The following PTPRD variants were observed in gnomAD, a reference collection of about 807,000 sequenced individuals.
The protein encoded by PTPRD is receptor-type tyrosine-protein phosphatase delta.
In PTPRD, 34 loss-of-function variants were observed where a neutral mutation model predicts 214.5. That is an observed-to-expected ratio of 0.16 (90% CI 0.12 to 0.21). The LOEUF (loss-of-function observed/expected upper bound fraction) is 0.21, where lower values mean the gene tolerates loss of function less well. Ranked by LOEUF, PTPRD falls within the 10% of genes least tolerant of loss-of-function variation. The probability of loss-of-function intolerance (pLI) is 1.00; values close to 1 mark genes in which losing one functional copy is unlikely to be tolerated. For synonymous variants in PTPRD, 1,128 were observed against 845.7 expected, an observed-to-expected ratio of 1.33 and a Z score of -5.79; for missense variants, 2,545 against 2,398.7, an observed-to-expected ratio of 1.06 and a Z score of -1.27.
intron 3 of PTPRD, among the ~76,000 whole-genome samples, chr9:10,074,103 A>T (rs2098087266): frequency 6.6e-6 from 1 of 152,124 alleles, no homozygotes; most frequent in Admixed American, 6.6e-5. Context: ...GGTATTTCAG[A>T]TACCCACCAC....
intron 9 of PTPRD, among the ~76,000 whole-genome samples, chr9:9,232,475 A>C (rs2099963697): frequency 6.6e-6 from 1 of 152,208 alleles, no homozygotes; most frequent in Non-Finnish European, 1.5e-5. Flanking sequence ...AATGAAGCTT[A>C]CAAGTACACG....
At chr9:9,254,186 C>A (rs1221660418) in intron 9 of PTPRD, among the ~76,000 whole-genome samples, 4 of 152,024 alleles carry the variant, frequency 2.6e-5, no homozygotes, top group African/African-American at 9.7e-5. Context: ...AGGATGTGAG[C>A]ACATCTTATG....
At chr9:10,566,313 A>G (rs1000189847) in intron 2 of PTPRD, among the ~76,000 whole-genome samples, 6 of 152,066 alleles carry the variant, frequency 3.9e-5, no homozygotes, top group Non-Finnish European at 7.4e-5. Context: ...TAGGGTGTGT[A>G]TATTGTCAGC....
chr9:9,777,593 G>A (rs2154486927), intron 5 of PTPRD, among the ~76,000 whole-genome samples: 1 of 152,210 alleles, frequency 6.6e-6, no homozygotes, highest in African/African-American at 2.4e-5. Context: ...AGCTACTCAA[G>A]AGCCGGAGGT....
At chr9:8,646,908 G>C (rs1288642837) in intron 12 of PTPRD, among the ~76,000 whole-genome samples, 1 of 151,808 alleles carries the variant, frequency 6.6e-6, no homozygotes, top group East Asian at 1.9e-4. Context: ...ACACTTTTGA[G>C]TATTTAGGAC....
chr9:9,623,667 C>T (rs932059584), intron 7 of PTPRD, among the ~76,000 whole-genome samples: 1 of 152,196 alleles, frequency 6.6e-6, no homozygotes, highest in African/African-American at 2.4e-5. Flanking sequence ...CAATGGCCAG[C>T]CTGCTGCCAT....
At chr9:10,326,104 A>T in intron 3 of PTPRD, among the ~76,000 whole-genome samples, 1 of 151,892 alleles carries the variant, frequency 6.6e-6, no homozygotes, top group South Asian at 2.1e-4. Flanking sequence ...CACTTCTGCT[A>T]AGCTAAAAAC....
At chr9:9,982,737 A>G (rs2095586799) in intron 4 of PTPRD, among the ~76,000 whole-genome samples, 1 of 152,048 alleles carries the variant, frequency 6.6e-6, no homozygotes, top group Non-Finnish European at 1.5e-5. Context: ...TCAGAGCAAA[A>G]GGTCCTAAAA....
At chr9:9,420,050 C>G (rs979171595) in intron 8 of PTPRD, among the ~76,000 whole-genome samples, 63 of 151,486 alleles carry the variant, frequency 4.2e-4, no homozygotes, top group African/African-American at 1.5e-3. Flanking sequence ...TTTTAAAATT[C>G]TGTAACCAAG....
intron 4 of PTPRD, among the ~76,000 whole-genome samples, chr9:9,955,334 T>C (rs2093811908): frequency 6.6e-6 from 1 of 152,162 alleles, no homozygotes; most frequent in African/African-American, 2.4e-5. Context: ...AAAGGATATG[T>C]ACGTATTTAA....
intron 7 of PTPRD, among the ~76,000 whole-genome samples, chr9:9,733,387 T>C (rs2098234322): frequency 6.6e-6 from 1 of 152,162 alleles, no homozygotes. Flanking sequence ...AGTTTTCTGT[T>C]TGTGTGCAAT....
At chr9:10,264,513 C>T (rs1337562741) in intron 3 of PTPRD, among the ~76,000 whole-genome samples, 1 of 152,234 alleles carries the variant, frequency 6.6e-6, no homozygotes, top group Non-Finnish European at 1.5e-5. Flanking sequence ...TGCATGGGGC[C>T]TTTAGTCCCT....
At chr9:9,392,170 C>G (rs1346459820) in intron 9 of PTPRD, among the ~76,000 whole-genome samples, 1 of 152,140 alleles carries the variant, frequency 6.6e-6, no homozygotes, top group Non-Finnish European at 1.5e-5. Flanking sequence ...CCCCTTGGCC[C>G]TCAGCGAGAG....
At chr9:9,958,106 A>C (rs2154018623) in intron 4 of PTPRD, among the ~76,000 whole-genome samples, 1 of 152,334 alleles carries the variant, frequency 6.6e-6, no homozygotes, top group African/African-American at 2.4e-5. Context: ...CTAAATATTA[A>C]ATCAACTCAA....
intron 7 of PTPRD, among the ~76,000 whole-genome samples, chr9:9,708,798 C>T (rs148906159): frequency 1.3e-5 from 2 of 152,002 alleles, no homozygotes; most frequent in Non-Finnish European, 2.9e-5. Flanking sequence ...ATTCAGAATG[C>T]CATTGCAAGA....
intron 7 of PTPRD, among the ~76,000 whole-genome samples, chr9:9,592,012 C>T (rs189421626): frequency 6.6e-6 from 1 of 152,026 alleles, no homozygotes; most frequent in Admixed American, 6.6e-5. Flanking sequence ...TCTAGGAGAT[C>T]AACTTGTTTT....
Position 8,667,386 on chromosome 9 carries a change from T to A in PTPRD, c.65-30542A>T, listed in dbSNP as rs1025715751. On this transcript the variant is annotated intron_variant, in intron 12 of 45. Transcript: ENST00000381196. ...ACCAGAAAATTCAATTTTTTTTCCA[T>A]CTTGTTTCTTAAATCCAACCAGTTC... Among the ~76,000 whole-genome samples the A allele has an allele frequency of 4.6e-5, 7 of 152,248 alleles. No homozygotes were observed. The East Asian group carries it at 1.4e-3, about 29-fold the overall frequency.
At chr9:10,127,504 T>C (rs1300540591) in intron 3 of PTPRD, among the ~76,000 whole-genome samples, 1 of 152,158 alleles carries the variant, frequency 6.6e-6, no homozygotes, top group Non-Finnish European at 1.5e-5. Flanking sequence ...CATATTTCTC[T>C]CTCAGCTTTA....
intron 39 of PTPRD, among the ~76,000 whole-genome samples, chr9:8,358,267 TCCC>T (rs976203761): frequency 2.6e-5 from 4 of 151,616 alleles, no homozygotes; most frequent in African/African-American, 7.3e-5. Flanking sequence ...ACTTTAAAAT[TCCC>T]CCCATCATTT....
Sources: gnomAD v4.1 joint callset for allele counts (sites outside exome capture counted in the v4.1 genomes callset) on GRCh38, gnomAD v4.1.1 for gene constraint, MANE v1.5 for transcripts, NCBI Gene and HGNC (gene_info 2026-07-23, HGNC 2026-07-21) for gene names.